Variants in DPYD observed in about 807,000 individuals in gnomAD.
DPYD encodes dihydropyrimidine dehydrogenase.
Under a neutral mutation model 116.2 loss-of-function variants are expected in DPYD, and 109 were observed. That is an observed-to-expected ratio of 0.94 (90% confidence interval 0.80 to 1.10). DPYD has a LOEUF of 1.10. Among genes scored for constraint, DPYD ranks in the 50% least tolerant of loss-of-function variants. DPYD has a pLI of 0.00. For missense variants in DPYD, 1,302 were observed against 1,254.5 expected, an observed-to-expected ratio of 1.04 and a Z score of -0.57; for synonymous variants, 440 against 432.0, an observed-to-expected ratio of 1.02 and a Z score of -0.23.
intron 3 of DPYD, among the ~76,000 whole-genome samples, chr1:97,802,753 C>A (rs561286767): frequency 6.6e-6 from 1 of 151,920 alleles, no homozygotes; most frequent in East Asian, 1.9e-4. Context: ...GTCAAATTTC[C>A]ACAAATCCAC....
intron 1 of DPYD, among the ~76,000 whole-genome samples, chr1:97,903,375 G>C (rs942349602): frequency 6.6e-6 from 1 of 151,820 alleles, no homozygotes; most frequent in Middle Eastern, 3.2e-3. Context: ...TATAGAGCTG[G>C]ATGAAGCATG....
rs571564736 is a variant in DPYD, at chr1:97,495,969, G to A, written c.1740+19757C>T. 3.9e-5 allele frequency among the ~76,000 whole-genome samples: 6 copies of A among 152,114 alleles called. No individual in the cohort carries two copies. In the South Asian group the frequency reaches 1.2e-3, roughly 32 times the overall value. ...TTTCCAAATATTTGACATCATTATA[G>A]TTGGAGAATAAAAGTACCTATTGAC... On this transcript the variant is annotated intron_variant, in intron 13 of 22. Transcript: ENST00000370192.
chr1:97,642,663 T>C (rs944284090), intron 8 of DPYD, among the ~76,000 whole-genome samples: 2 of 136,750 alleles, frequency 1.5e-5, no homozygotes, highest in Non-Finnish European at 3.0e-5. Context: ...TTCTCACTCA[T>C]AGGTGGGAAT....
intron 10 of DPYD, among the ~76,000 whole-genome samples, chr1:97,574,953 A>G (rs1653168182): frequency 6.6e-6 from 1 of 152,160 alleles, no homozygotes; most frequent in South Asian, 2.1e-4. Flanking sequence ...TCAAGATGGA[A>G]AAACTGAGAC....
chr1:97,771,307 G>T (rs1435823223), intron 3 of DPYD, among the ~76,000 whole-genome samples: 2 of 152,152 alleles, frequency 1.3e-5, no homozygotes. Context: ...AAGTAAATGA[G>T]AAATAAGTAC....
At chr1:97,863,713 T>G (rs971954279) in intron 2 of DPYD, among the ~76,000 whole-genome samples, 1 of 151,864 alleles carries the variant, frequency 6.6e-6, no homozygotes, top group Non-Finnish European at 1.5e-5. Flanking sequence ...TAAGTTACAA[T>G]GTGATATATA....
At chr1:97,811,970 A>G (rs1245277977) in intron 3 of DPYD, among the ~76,000 whole-genome samples, 2 of 152,198 alleles carry the variant, frequency 1.3e-5, no homozygotes, top group African/African-American at 4.8e-5. Flanking sequence ...TTAGAAAACA[A>G]TACAACAGTC....
At chr1:97,871,528 T>C (rs913270922) in intron 2 of DPYD, among the ~76,000 whole-genome samples, 4 of 147,126 alleles carry the variant, frequency 2.7e-5, no homozygotes, top group Admixed American at 2.1e-4. Context: ...TATCCTATGA[T>C]AAAAATTCTC....
intron 14 of DPYD, among the ~76,000 whole-genome samples, chr1:97,433,010 C>T (rs1265366163): frequency 1.3e-5 from 2 of 152,212 alleles, no homozygotes; most frequent in East Asian, 3.9e-4. Context: ...TTTTAGGTTG[C>T]TCGGGAGTTC....
At chr1:97,180,781 A>G (rs1226585250) in intron 20 of DPYD, among the ~76,000 whole-genome samples, 1 of 152,174 alleles carries the variant, frequency 6.6e-6, no homozygotes, top group Non-Finnish European at 1.5e-5. Context: ...ACTCCCATGA[A>G]TGTGACAAAA....
At chr1:97,471,334 G>T (rs936776323) in intron 13 of DPYD, among the ~76,000 whole-genome samples, 1 of 152,098 alleles carries the variant, frequency 6.6e-6, no homozygotes, top group Non-Finnish European at 1.5e-5. Flanking sequence ...CAAAGAGTCC[G>T]GGAAGGAGAC....
intron 8 of DPYD, among the ~76,000 whole-genome samples, chr1:97,617,461 A>G (rs549764970): frequency 1.3e-5 from 2 of 152,348 alleles, no homozygotes; most frequent in East Asian, 3.9e-4. Flanking sequence ...TGGCTTAAAT[A>G]AAATTATATT....
chr1:97,461,006 T>C (rs1372924529), intron 13 of DPYD, among the ~76,000 whole-genome samples: 1 of 147,110 alleles, frequency 6.8e-6, no homozygotes, highest in African/African-American at 2.5e-5. Context: ...CATTGCACTC[T>C]AGCCTGGGCA....
In DPYD at chr1:97,772,259, C is replaced by T. The variant is rs1228911932; in HGVS notation, c.234-31780G>A. ...CTTGAGTGTCCTCCATAGTCTTAGGCACTGCACAAGGTCATGAGGATACAG... is the reference window on the plus strand; with the variant it reads ...CTTGAGTGTCCTCCATAGTCTTAGGTACTGCACAAGGTCATGAGGATACAG... On this transcript the variant is annotated intron_variant, in intron 3 of 22. Coordinates refer to ENST00000370192, the MANE Select transcript of DPYD (RefSeq NM_000110.4). Among the ~76,000 whole-genome samples, 4 of 152,312 alleles carry T rather than the reference C, an allele frequency of 2.6e-5. No individual in the cohort carries two copies. The East Asian group carries it at 7.7e-4, about 29-fold the overall frequency.
intron 19 of DPYD, among the ~76,000 whole-genome samples, chr1:97,201,721 C>T (rs1401920820): frequency 6.6e-6 from 1 of 152,018 alleles, no homozygotes; most frequent in African/African-American, 2.4e-5. Flanking sequence ...GTCATGATGT[C>T]CCTATATATT....
intron 18 of DPYD, among the ~76,000 whole-genome samples, chr1:97,275,057 G>T (rs1002141353): frequency 1.3e-5 from 2 of 152,058 alleles, no homozygotes; most frequent in African/African-American, 4.8e-5. Context: ...ATGCTTGTAG[G>T]TACCATAGGT....
chr1:97,685,478 G>A (rs1033247386), intron 7 of DPYD, among the ~76,000 whole-genome samples: 1 of 152,094 alleles, frequency 6.6e-6, no homozygotes, highest in African/African-American at 2.4e-5. Context: ...ACACAGTATT[G>A]GAAGCTCTGG....
Position 97,912,376 on chromosome 1 carries a change from A to G in DPYD, c.39+8508T>C, listed in dbSNP as rs76538844. Among the ~76,000 whole-genome samples the G allele has an allele frequency of 2.8e-4, 43 of 152,272 alleles. No homozygotes were observed. In the East Asian group the frequency reaches 8.1e-3, roughly 29 times the overall value. On this transcript the variant is annotated intron_variant, in intron 1 of 22. Coordinates refer to ENST00000370192, the MANE Select transcript of DPYD (RefSeq NM_000110.4). ...AAGAGAGAGGCTTGAATACATTTTG[A>G]TATCTCCACTCACAAGGAATGTTAC...
At chr1:97,317,468 G>C (rs926533290) in intron 16 of DPYD, among the ~76,000 whole-genome samples, 2 of 152,006 alleles carry the variant, frequency 1.3e-5, no homozygotes, top group Non-Finnish European at 2.9e-5. Context: ...AAGTGTGTAT[G>C]TAAATGTATA....
Sources: gnomAD v4.1 joint callset for allele counts (sites outside exome capture counted in the v4.1 genomes callset) on GRCh38, gnomAD v4.1.1 for gene constraint, MANE v1.5 for transcripts, NCBI Gene and HGNC (gene_info 2026-07-23, HGNC 2026-07-21) for gene names.